The following COL26A1 variants were observed in gnomAD, a reference collection of about 807,000 sequenced individuals.
COL26A1 encodes collagen alpha-1(XXVI) chain.
A neutral mutation model predicts 59.3 loss-of-function variants in COL26A1; 41 were observed. The observed-to-expected ratio is 0.69, with a 90% CI of 0.54 to 0.90. The LOEUF (loss-of-function observed/expected upper bound fraction) is 0.90, where lower values mean the gene tolerates loss of function less well. COL26A1 is among the 40% of genes least tolerant of loss of function. The probability of loss-of-function intolerance (pLI) is 0.00; values close to 1 mark genes in which losing one functional copy is unlikely to be tolerated. For missense variants in COL26A1, 612 were observed against 602.3 expected, an observed-to-expected ratio of 1.02 and a Z score of -0.17; for synonymous variants, 266 against 256.0, an observed-to-expected ratio of 1.04 and a Z score of -0.37.
chr7:101,385,724 T>G (rs976363921), intron 1 of COL26A1, among the ~76,000 whole-genome samples: 1 of 151,102 alleles, frequency 6.6e-6, no homozygotes, highest in South Asian at 2.1e-4. Context: ...GTTTATTTGT[T>G]TTTTGAGTCT....
At chr7:101,406,426 C>A (rs539807908) in intron 1 of COL26A1, among the ~76,000 whole-genome samples, 1 of 152,282 alleles carries the variant, frequency 6.6e-6, no homozygotes, top group South Asian at 2.1e-4. Flanking sequence ...GGAACAGCAG[C>A]CTCAGAGACA....
chr7:101,434,714 C>G (rs1350832750), intron 2 of COL26A1, among the ~76,000 whole-genome samples: 2 of 152,146 alleles, frequency 1.3e-5, no homozygotes, highest in African/African-American at 4.8e-5. Flanking sequence ...ATGATGTGGA[C>G]AAGAATGCAG....
At chr7:101,470,423 G>A (rs1317099799) in intron 3 of COL26A1, among the ~76,000 whole-genome samples, 4 of 151,780 alleles carry the variant, frequency 2.6e-5, no homozygotes, top group Non-Finnish European at 2.9e-5. Context: ...TGGCATAGCT[G>A]CCGGCATTCA....
Position 101,451,707 on chromosome 7 carries a change from C to CTTTTTTTTTTTTTTTTTTTTT in COL26A1, c.385+3937_385+3938insTTTTTTTTTTTTTTTTTTTTT, listed in dbSNP as rs60481013. On this transcript the variant is annotated intron_variant, in intron 3 of 12. Coordinates refer to ENST00000313669, the MANE Select transcript of COL26A1 (RefSeq NM_001278563.3). The stretch of plus-strand genomic sequence containing the variant: ...TCTACTGAAAAGAAATCATTTGCAT[C>CTTTTTTTTTTTTTTTTTTTTT]TTTTTTTTTTTTTTTTTGACGGAGT... 1.4e-5 allele frequency among the ~76,000 whole-genome samples: 2 copies of CTTTTTTTTTTTTTTTTTTTTT among 139,162 alleles called. 1 individual carries two copies. The highest frequency in any genetic ancestry group is 5.2e-5 in the African/African-American group (2 of 38,142). 91.3% of individuals were successfully genotyped at this position (139,162 alleles called of 152,430 possible).
intron 4 of COL26A1, among the ~76,000 whole-genome samples, chr7:101,538,625 A>G (rs117539091): frequency 0.017 from 2,629 of 152,228 alleles, 193 homozygotes; most frequent in Admixed American, 0.13. Flanking sequence ...ACTGTGTCCC[A>G]TAGAGGGGTG....
At chr7:101,467,361 C>T (rs1472982003) in intron 3 of COL26A1, among the ~76,000 whole-genome samples, 21 of 60,528 alleles carry the variant, frequency 3.5e-4, no homozygotes, top group Non-Finnish European at 2.2e-4. Flanking sequence ...ATGCACAGGG[C>T]GGGGGGAGGA....
chr7:101,458,060 C>A (rs113786572), intron 3 of COL26A1, among the ~76,000 whole-genome samples: 13,343 of 151,952 alleles, frequency 0.088, 671 homozygotes, highest in Middle Eastern at 0.13. Flanking sequence ...GCACACCTGG[C>A]AAATTTTGTA....
chr7:101,511,712 A>G (rs968156295), intron 3 of COL26A1, among the ~76,000 whole-genome samples: 3 of 152,204 alleles, frequency 2.0e-5, no homozygotes, highest in South Asian at 2.1e-4. Context: ...ACAGGCCAAC[A>G]AAAGGGAGGA....
chr7:101,502,220 T>C (rs1335495678), intron 3 of COL26A1, among the ~76,000 whole-genome samples: 1 of 152,162 alleles, frequency 6.6e-6, no homozygotes, highest in Non-Finnish European at 1.5e-5. Context: ...CACATGCCTG[T>C]AATCCCAGCT....
intron 3 of COL26A1, among the ~76,000 whole-genome samples, chr7:101,523,768 C>G (rs1313122310): frequency 6.6e-6 from 1 of 152,032 alleles, no homozygotes; most frequent in Non-Finnish European, 1.5e-5. Flanking sequence ...GTAACAAGGT[C>G]TCAATTCTAG....
At chr7:101,365,787 T>C (rs1413594657) in intron 1 of COL26A1, among the ~76,000 whole-genome samples, 2 of 148,754 alleles carry the variant, frequency 1.3e-5, no homozygotes, top group Non-Finnish European at 3.0e-5. Flanking sequence ...CGTATATTCA[T>C]GTAATACTTT....
chr7:101,429,837 G>A (rs1792739623), intron 2 of COL26A1, among the ~76,000 whole-genome samples: 1 of 151,888 alleles, frequency 6.6e-6, no homozygotes. Flanking sequence ...GCCTCAAGCA[G>A]TCCTCCTGCC....
intron 3 of COL26A1, among the ~76,000 whole-genome samples, chr7:101,519,467 G>A (rs1795095698): frequency 6.6e-6 from 1 of 152,200 alleles, no homozygotes; most frequent in Non-Finnish European, 1.5e-5. Flanking sequence ...GCATTAGGAG[G>A]CTGCAGAGGG....
At chr7:101,413,565 G>A (rs1397601663) in intron 1 of COL26A1, among the ~76,000 whole-genome samples, 2 of 148,732 alleles carry the variant, frequency 1.3e-5, no homozygotes, top group South Asian at 2.2e-4. Context: ...AAGAAAAGAA[G>A]AAAGAAAAGA....
intron 1 of COL26A1, among the ~76,000 whole-genome samples, chr7:101,390,584 C>A (rs1461968132): frequency 1.3e-5 from 2 of 152,086 alleles, no homozygotes; most frequent in Admixed American, 1.3e-4. Flanking sequence ...CACTACCATG[C>A]CTGGCTACTT....
chr7:101,490,983 C>CAAAAAAAA (rs3073351), intron 3 of COL26A1, among the ~76,000 whole-genome samples: 33 of 109,032 alleles, frequency 3.0e-4, no homozygotes, highest in African/African-American at 8.6e-4. Context: ...GGCTCTGTCT[C>CAAAAAAAA]AAAAAAAAAA....
In COL26A1 at chr7:101,416,908, A is replaced by G. The variant is rs901770599; in HGVS notation, c.159-3069A>G. 2.5e-5 allele frequency among the ~76,000 whole-genome samples: 3 copies of G among 118,284 alleles called. 1 individual carries two copies. The highest frequency in any genetic ancestry group is 8.1e-5 in the African/African-American group (3 of 37,072). 77.6% of individuals were successfully genotyped at this position (118,284 alleles called of 152,430 possible). A position where few individuals can be genotyped will look rare whatever the true frequency, so the allele number is the denominator to read the frequency against. The stretch of plus-strand genomic sequence containing the variant: ...GCATGTCAGGGACCATGCCTGGCTA[A>G]TTTTTGTATATTTTTGTAGATACAG... On this transcript the variant is annotated intron_variant, in intron 1 of 12. Transcript: ENST00000313669.
chr7:101,425,147 G>A (rs1381339124), intron 2 of COL26A1, among the ~76,000 whole-genome samples: 1 of 151,930 alleles, frequency 6.6e-6, no homozygotes, highest in Non-Finnish European at 1.5e-5. Flanking sequence ...ATAACTTTGG[G>A]AGGCTCAGAT....
chr7:101,463,287 C>T (rs1410921493), intron 3 of COL26A1, among the ~76,000 whole-genome samples: 4 of 152,066 alleles, frequency 2.6e-5, no homozygotes. Context: ...TTTGTGACTG[C>T]CTTATTTCGC....
Sources: gnomAD v4.1 joint callset for allele counts (sites outside exome capture counted in the v4.1 genomes callset) on GRCh38, gnomAD v4.1.1 for gene constraint, MANE v1.5 for transcripts, NCBI Gene and HGNC (gene_info 2026-07-23, HGNC 2026-07-21) for gene names.